Variants in KAT14 observed in about 807,000 individuals in gnomAD.
The protein encoded by KAT14 is cysteine-rich protein 2-binding protein.
In KAT14, 66 loss-of-function variants were observed where a neutral mutation model predicts 78.4. The observed-to-expected ratio is 0.84, with a 90% CI of 0.69 to 1.03. The LOEUF is 1.03. Ranked by LOEUF, KAT14 falls within the 50% of genes least tolerant of loss-of-function variation. KAT14 has a pLI of 0.00. For synonymous variants in KAT14, 344 were observed against 359.4 expected (o/e 0.96, Z 0.48); for missense variants, 870 against 972.5 (o/e 0.89, Z 1.40).
chr20:18,162,542 G>T lies in KAT14; in HGVS notation c.1265G>T (p.Arg422Met). ...GAGAGTGAGGAGGAAAAACCCGACAGGATGGATATTGACAGTGAAGACACA... is the reference window on the plus strand; with the variant it reads ...GAGAGTGAGGAGGAAAAACCCGACATGATGGATATTGACAGTGAAGACACA... ...EVESEEEKPD[R>M]MDIDSEDTDS... Residue 422 changes from arginine to methionine, a missense_variant, in exon 7 of 11, where the codon AGG becomes ATG. Coordinates refer to ENST00000688188, the MANE Select transcript of KAT14 (RefSeq NM_001392073.1). 1 of 1,614,138 alleles carries T rather than the reference G, an allele frequency of 6.2e-7. No individual in the cohort carries two copies. The highest frequency in any genetic ancestry group is 1.1e-5 in the South Asian group (1 of 91,076).
At chr20:18,168,002 A>T (rs1198055875) in intron 7 of KAT14, among the ~76,000 whole-genome samples, 1 of 152,060 alleles carries the variant, frequency 6.6e-6, no homozygotes, top group Admixed American at 6.6e-5. Flanking sequence ...TTCTTTCTAG[A>T]TTAATTTCTT....
At chr20:18,186,748 GAGAGAC>G (rs1410493101) in intron 10 of KAT14, among the ~76,000 whole-genome samples, 1 of 152,202 alleles carries the variant, frequency 6.6e-6, no homozygotes, top group Non-Finnish European at 1.5e-5. Context: ...GTCAGTTTTA[GAGAGAC>G]AGAAGGTGGA....
At chr20:18,151,062 T>A in intron 4 of KAT14, 120 bp downstream of exon 4, 2 of 1,339,606 alleles carry the variant, frequency 1.5e-6, no homozygotes, top group Non-Finnish European at 2.0e-6. Context: ...TGAGATAGAG[T>A]CTCCCAGGCT....
intron 5 of KAT14, among the ~76,000 whole-genome samples, chr20:18,159,882 G>A (rs2038355307): frequency 6.6e-6 from 1 of 152,112 alleles, no homozygotes; most frequent in Non-Finnish European, 1.5e-5. Context: ...AGCTTTTAAT[G>A]AGCTTTTAAA....
At chr20:18,184,976 C>T (rs2039407928) in intron 10 of KAT14, among the ~76,000 whole-genome samples, 184 bp downstream of exon 10, 1 of 152,032 alleles carries the variant, frequency 6.6e-6, no homozygotes, top group Non-Finnish European at 1.5e-5. Flanking sequence ...CAAAAATCTT[C>T]GACCCTCTAA....
At chr20:18,163,835 C>G (rs2038536409) in intron 7 of KAT14, among the ~76,000 whole-genome samples, 1 of 152,078 alleles carries the variant, frequency 6.6e-6, no homozygotes. Context: ...GTCTTGATTT[C>G]CTATCTTCTA....
intron 7 of KAT14, among the ~76,000 whole-genome samples, chr20:18,165,740 G>A (rs544310621): frequency 3.5e-4 from 53 of 152,312 alleles, no homozygotes; most frequent in Admixed American, 1.1e-3. Flanking sequence ...TCACCATAGC[G>A]TATGCATCAG....
At chr20:18,147,044 C>T (rs1600217794) in intron 3 of KAT14, among the ~76,000 whole-genome samples, 1 of 152,008 alleles carries the variant, frequency 6.6e-6, no homozygotes, top group East Asian at 1.9e-4. Context: ...AGATAATTAC[C>T]CACAGCACTT....
At chr20:18,166,856 A>C (rs950267555) in intron 7 of KAT14, among the ~76,000 whole-genome samples, 1 of 152,242 alleles carries the variant, frequency 6.6e-6, no homozygotes, top group Non-Finnish European at 1.5e-5. Context: ...TTGAACCTGG[A>C]ATTCCATACA....
intron 7 of KAT14, among the ~76,000 whole-genome samples, chr20:18,166,512 A>C (rs1040206215): frequency 1.3e-5 from 2 of 151,464 alleles, no homozygotes; most frequent in African/African-American, 4.9e-5. Context: ...ACTTGAAGAA[A>C]GTTAGTCTTT....
rs369162923 is a variant in KAT14 at position 18,159,175 on chromosome 20, G to C, written c.592G>C (p.Glu198Gln). The change falls in exon 5 of 11, where the codon GAG becomes CAG. Residue 198 changes from glutamate to glutamine, a missense_variant. Coordinates refer to ENST00000688188, the MANE Select transcript of KAT14 (RefSeq NM_001392073.1). ...YFRSGAQEFGEPGWWKLVHNK... is the reference protein window; with the variant it reads ...YFRSGAQEFGQPGWWKLVHNK... ...CCGTTCAGGTGCTCAGGAATTTGGA[G>C]AGCCAGGATGGTGGAAACTTGTTCA... 7 of 1,614,018 alleles carry C rather than the reference G, an allele frequency of 4.3e-6. No homozygotes were observed. Among genetic ancestry groups the C allele is most frequent in the Non-Finnish European group, 5.9e-6 (7 of 1,180,000 alleles).
intron 7 of KAT14, among the ~76,000 whole-genome samples, chr20:18,171,468 G>A (rs2038841666): frequency 6.6e-6 from 1 of 152,224 alleles, no homozygotes; most frequent in Non-Finnish European, 1.5e-5. Flanking sequence ...TAGTGGCACA[G>A]TTTGACTCAG....
At chr20:18,163,059 G>T in intron 7 of KAT14, 114 bp downstream of exon 7, 1 of 1,352,332 alleles carries the variant, frequency 7.4e-7, no homozygotes, top group South Asian at 1.6e-5. Flanking sequence ...AGTAATTTGG[G>T]AAGAGAAAAG....
rs2037430939 is a variant in KAT14, at chr20:18,139,309, T to C, written c.-454+1258T>C. Among the ~76,000 whole-genome samples, 5 of 152,322 alleles carry C rather than the reference T, an allele frequency of 3.3e-5. 1 individual carries two copies. The South Asian group carries it at 1.0e-3, about 32-fold the overall frequency. ...AAGGAAAAGTAAAAGATGTTGATCC[T>C]GGGAAAACTTGAGATGGAGTAAAAT... On this transcript the variant is annotated intron_variant, in intron 1 of 10. Coordinates refer to ENST00000688188, the MANE Select transcript of KAT14 (RefSeq NM_001392073.1).
intron 1 of KAT14, among the ~76,000 whole-genome samples, chr20:18,139,003 T>C (rs939238099): frequency 8.5e-5 from 13 of 152,352 alleles, no homozygotes; most frequent in Admixed American, 8.5e-4. Flanking sequence ...ATGGACTGGA[T>C]GAATCAAGAG....
intron 5 of KAT14, among the ~76,000 whole-genome samples, chr20:18,160,879 A>G (rs956556621): frequency 6.6e-6 from 1 of 152,146 alleles, no homozygotes; most frequent in Admixed American, 6.5e-5. Context: ...TTATCCTCCA[A>G]GAAACTGTAA....
rs1229454671 is a variant in KAT14 at position 18,142,379 on chromosome 20, G to C, written c.-282G>C. On this transcript the variant is annotated 5_prime_UTR_variant, in exon 2 of 11. Transcript: ENST00000688188. ...ATGACTTGAATGTGAAATATCTGTTGGACAGACAACACGAGTTTGTGTGTG... is the reference window on the plus strand; with the variant it reads ...ATGACTTGAATGTGAAATATCTGTTCGACAGACAACACGAGTTTGTGTGTG... The C allele has an allele frequency of 1.3e-6, 2 of 1,531,154 alleles. No individual in the cohort carries two copies. The highest frequency in any genetic ancestry group is 4.0e-5 in the Admixed American group (2 of 50,558). 94.8% of individuals were successfully genotyped at this position (1,531,154 alleles called of 1,614,324 possible).
At chr20:18,151,610 G>A (rs2146379950) in intron 4 of KAT14, among the ~76,000 whole-genome samples, 1 of 152,176 alleles carries the variant, frequency 6.6e-6, no homozygotes, top group South Asian at 2.1e-4. Flanking sequence ...TGGTGGGTGT[G>A]AATCACCGTT....
chr20:18,162,712 G>C lies in KAT14; in HGVS notation c.1435G>C (p.Gly479Arg). The change falls in exon 7 of 11, where the codon GGT becomes CGT. Residue 479 changes from glycine (G) to arginine (R), a missense_variant. Coordinates refer to ENST00000688188, the MANE Select transcript of KAT14 (RefSeq NM_001392073.1). ...LLLKRLEACP[G>R]AVAMTPEARR... The stretch of plus-strand genomic sequence containing the variant: ...GCTCAAGAGGCTGGAAGCTTGTCCC[G>C]GTGCTGTTGCCATGACTCCGGAAGC... 6.2e-7 allele frequency: 1 copy of C among 1,614,220 alleles called. No individual in the cohort carries two copies. The highest frequency in any genetic ancestry group is 8.5e-7 in the Non-Finnish European group (1 of 1,180,030).
Sources: allele counts gnomAD v4.1 joint callset (sites outside exome capture counted in the v4.1 genomes callset), GRCh38; gene constraint gnomAD v4.1.1; transcripts MANE v1.5; gene names NCBI Gene and HGNC (gene_info 2026-07-23, HGNC 2026-07-21).